The following NCEH1 variants were observed in gnomAD, a reference collection of about 807,000 sequenced individuals.
NCEH1 encodes neutral cholesterol ester hydrolase 1, also known as 2-acetyl MAGE hydrolase.
Under a neutral mutation model 25.4 loss-of-function variants are expected in NCEH1, and 9 were observed. The observed-to-expected ratio is 0.35, with a 90% CI of 0.21 to 0.62. The LOEUF is 0.62. Ranked by LOEUF, NCEH1 falls within the 20% of genes least tolerant of loss-of-function variation. The pLI is 0.72. For synonymous variants in NCEH1, 200 were observed against 199.8 expected, an observed-to-expected ratio of 1.00 and a Z score of -0.01; for missense variants, 412 against 501.1, an observed-to-expected ratio of 0.82 and a Z score of 1.70.
chr3:172,645,831 A>T (rs1717093810), intron 2 of NCEH1, 139 bp from the exon 3 acceptor site: 17 of 516,796 alleles, frequency 3.3e-5, no homozygotes, highest in Non-Finnish European at 5.9e-5. Context: ...GTGAACAAAT[A>T]ATAGAGTTAC....
intron 1 of NCEH1, among the ~76,000 whole-genome samples, chr3:172,705,007 T>C (rs1049678284): frequency 6.6e-6 from 1 of 152,234 alleles, no homozygotes; most frequent in Non-Finnish European, 1.5e-5. Flanking sequence ...CATGGCACTA[T>C]GATAGCTATA....
intron 1 of NCEH1, among the ~76,000 whole-genome samples, chr3:172,676,559 T>C (rs1350706000): frequency 7.0e-6 from 1 of 142,178 alleles, no homozygotes; most frequent in Non-Finnish European, 1.6e-5. Flanking sequence ...AGCATCCCAA[T>C]ATAAGCAACC....
intron 1 of NCEH1, among the ~76,000 whole-genome samples, chr3:172,700,624 C>G (rs1713628038): frequency 6.6e-6 from 1 of 152,148 alleles, no homozygotes; most frequent in Non-Finnish European, 1.5e-5. Context: ...CCTCAGTCTC[C>G]CCAGTAGCTG....
rs569229137 is a variant in NCEH1, at chr3:172,683,210, C to T, written c.138+27637G>A. ...CGAGGTCAGGAGATCGAGACCATCCCAGCTAAAACGGTGAAACCCCGTCTC... is the reference window on the plus strand; with the variant it reads ...CGAGGTCAGGAGATCGAGACCATCCTAGCTAAAACGGTGAAACCCCGTCTC... On this transcript the variant is annotated intron_variant, in intron 1 of 4. Coordinates refer to ENST00000475381, the MANE Select transcript of NCEH1 (RefSeq NM_020792.6). 1.7e-4 allele frequency among the ~76,000 whole-genome samples: 12 copies of T among 69,384 alleles called. 1 individual carries two copies. Among genetic ancestry groups the T allele is most frequent in the Admixed American group, 2.3e-4 (2 of 8,692 alleles). 45.5% of individuals were successfully genotyped at this position (69,384 alleles called of 152,430 possible). A position where few individuals can be genotyped will look rare whatever the true frequency, so the allele number is the denominator to read the frequency against.
intron 1 of NCEH1, among the ~76,000 whole-genome samples, chr3:172,695,622 G>A (rs62281167): frequency 0.13 from 19,738 of 152,096 alleles, 1,422 homozygotes; most frequent in Non-Finnish European, 0.17. Flanking sequence ...ATAAATATTG[G>A]GTTAATGTAT....
At chr3:172,700,506 C>A (rs1713620103) in intron 1 of NCEH1, among the ~76,000 whole-genome samples, 1 of 152,160 alleles carries the variant, frequency 6.6e-6, no homozygotes, top group Non-Finnish European at 1.5e-5. Flanking sequence ...TAACTGATCA[C>A]ATGTTTAAAT....
Position 172,669,606 on chromosome 3 carries a change from G to A in NCEH1, c.139-21492C>T, listed in dbSNP as rs146169923. ...GGCTGGAGGGCAGTGGCACAATCTC[G>A]GCTCACTGCAACCTCCGCCTCCTGG... On this transcript the variant is annotated intron_variant, in intron 1 of 4. Coordinates refer to ENST00000475381, the MANE Select transcript of NCEH1 (RefSeq NM_020792.6). Among the ~76,000 whole-genome samples, 7 of 152,220 alleles carry A rather than the reference G, an allele frequency of 4.6e-5. No individual in the cohort carries two copies. The South Asian group carries it at 8.3e-4, about 18-fold the overall frequency.
rs753260678 is a variant in NCEH1 at position 172,636,030 on chromosome 3, G to A, written c.495C>T (p.Ala165=). 5.0e-6 allele frequency: 8 copies of A among 1,613,906 alleles called. No homozygotes were observed. In the African/African-American group the frequency reaches 1.1e-4, roughly 22 times the overall value. The part of the protein sequence containing the change: ...FPEQIHDVVR[A]TKYFLKPEVL... ...CTTCTGGCTTCAGGAAATACTTTGT[G>A]GCCCGTACAACATCATGAATTTGCT... The change falls in exon 4 of 5, where the codon GCC becomes GCT. Residue 165 remains alanine (A), a synonymous_variant. Coordinates refer to ENST00000475381, the MANE Select transcript of NCEH1 (RefSeq NM_020792.6).
intron 1 of NCEH1, among the ~76,000 whole-genome samples, chr3:172,692,660 T>C (rs911475095): frequency 1.3e-5 from 2 of 152,190 alleles, no homozygotes. Flanking sequence ...CCACCGTGCC[T>C]GGCCTAGAAT....
intron 3 of NCEH1, among the ~76,000 whole-genome samples, chr3:172,643,495 T>A (rs1716963484): frequency 6.6e-6 from 1 of 152,176 alleles, no homozygotes; most frequent in African/African-American, 2.4e-5. Context: ...ATGCCTCCCA[T>A]CTGGACACCA....
intron 1 of NCEH1, among the ~76,000 whole-genome samples, chr3:172,695,248 T>C (rs138413638): frequency 3.9e-5 from 6 of 152,214 alleles, no homozygotes; most frequent in East Asian, 1.9e-4. Flanking sequence ...TACCTTCACA[T>C]TGAGGCAAGG....
At chr3:172,639,352 A>G (rs1308216292) in intron 3 of NCEH1, among the ~76,000 whole-genome samples, 2 of 152,024 alleles carry the variant, frequency 1.3e-5, no homozygotes, top group Non-Finnish European at 2.9e-5. Flanking sequence ...CTGAAAGTAG[A>G]TATTTATTAG....
intron 1 of NCEH1, among the ~76,000 whole-genome samples, chr3:172,667,861 G>A (rs1374329892): frequency 1.3e-5 from 2 of 152,160 alleles, no homozygotes; most frequent in Non-Finnish European, 2.9e-5. Context: ...GCCAAGCACT[G>A]TAAGATCAAC....
chr3:172,640,159 T>C (rs1716782671), intron 3 of NCEH1, among the ~76,000 whole-genome samples: 1 of 152,216 alleles, frequency 6.6e-6, no homozygotes, highest in South Asian at 2.1e-4. Flanking sequence ...GAAAGATACA[T>C]GCGGCATTCT....
intron 1 of NCEH1, among the ~76,000 whole-genome samples, chr3:172,653,763 T>TTTTTTTTTTTTTTTTTTTTTTG (rs1717553623): frequency 1.0e-5 from 1 of 97,856 alleles, no homozygotes; most frequent in East Asian, 4.9e-4. Context: ...TTTTTTTGTT[T>TTTTTTTTTTTTTTTTTTTTTTG]TTTTTTTTTT....
rs756276682 is a variant in NCEH1 at position 172,711,011 on chromosome 3, G to C, written c.-27C>G. On this transcript the variant is annotated 5_prime_UTR_variant, in exon 1 of 5. Transcript: ENST00000475381. ...TTGCCCTGGCTCGGCTCGCCAGCGG[G>C]CTGGCAAAGAGGAAAGGGCGATACC... 2.5e-6 allele frequency: 4 copies of C among 1,613,730 alleles called. No individual in the cohort carries two copies. In the African/African-American group the frequency reaches 5.3e-5, roughly 22 times the overall value.
intron 1 of NCEH1, among the ~76,000 whole-genome samples, chr3:172,663,234 G>A (rs1245099814): frequency 6.6e-6 from 1 of 152,162 alleles, no homozygotes; most frequent in Non-Finnish European, 1.5e-5. Context: ...TAGTAATTCA[G>A]GAGCAGGTTG....
chr3:172,683,027 A>C (rs752455773), intron 1 of NCEH1, among the ~76,000 whole-genome samples: 2 of 152,236 alleles, frequency 1.3e-5, no homozygotes, highest in Non-Finnish European at 2.9e-5. Flanking sequence ...CTATGCTTTC[A>C]TTATTTTGCT....
intron 1 of NCEH1, among the ~76,000 whole-genome samples, chr3:172,663,212 T>A (rs970141277): frequency 1.3e-5 from 2 of 152,262 alleles, no homozygotes; most frequent in African/African-American, 4.8e-5. Flanking sequence ...CTTCATTTCC[T>A]TATTTACCCA....
Sources: allele counts gnomAD v4.1 joint callset (sites outside exome capture counted in the v4.1 genomes callset), GRCh38; gene constraint gnomAD v4.1.1; transcripts MANE v1.5; gene names NCBI Gene and HGNC (gene_info 2026-07-23, HGNC 2026-07-21).